Variants in WDR33 observed in about 807,000 individuals in gnomAD.
The protein encoded by WDR33 is WD repeat domain 33, also known as pre-mRNA 3' end processing protein WDR33.
A neutral mutation model predicts 164.9 loss-of-function variants in WDR33; 47 were observed. The observed-to-expected ratio is 0.29, with a 90% CI of 0.23 to 0.36. The LOEUF (loss-of-function observed/expected upper bound fraction) is 0.36. Ranked by LOEUF, WDR33 falls within the 10% of genes least tolerant of loss-of-function variation. WDR33 has a pLI of 1.00. For missense variants in WDR33, 1,137 were observed against 1,754.1 expected, an observed-to-expected ratio of 0.65 and a Z score of 6.28; for synonymous variants, 505 against 589.0, an observed-to-expected ratio of 0.86 and a Z score of 2.06.
At chr2:127,761,401 G>A (rs1573925806) in intron 7 of WDR33, among the ~76,000 whole-genome samples, 1 of 152,060 alleles carries the variant, frequency 6.6e-6, no homozygotes, top group South Asian at 2.1e-4. Flanking sequence ...AGAGTTTCAT[G>A]GTGTTAGCCA....
intron 1 of WDR33, among the ~76,000 whole-genome samples, chr2:127,773,071 A>C (rs2105447734): frequency 6.6e-6 from 1 of 152,248 alleles, no homozygotes; most frequent in East Asian, 1.9e-4. Context: ...GGGAAGTCAA[A>C]GATGCAGTGA....
intron 1 of WDR33, among the ~76,000 whole-genome samples, chr2:127,771,647 A>G (rs1345593922): frequency 1.3e-5 from 2 of 152,112 alleles, no homozygotes; most frequent in Non-Finnish European, 2.9e-5. Context: ...ACATGATGGC[A>G]TGCACCTGTA....
At chr2:127,725,305 T>C (rs948785689) in intron 8 of WDR33, 90 bp from the exon 9 acceptor site, 15 of 1,323,920 alleles carry the variant, frequency 1.1e-5, no homozygotes, top group Non-Finnish European at 1.5e-5. Flanking sequence ...TTAATCAAGA[T>C]GGCAAGAGGT....
At chr2:127,753,980 ATT>A (rs1687445767) in intron 7 of WDR33, among the ~76,000 whole-genome samples, 1 of 152,224 alleles carries the variant, frequency 6.6e-6, no homozygotes, top group Non-Finnish European at 1.5e-5. Context: ...AAATTATTCC[ATT>A]TCTTATCTAG....
At position 127,713,438 on chromosome 2, in the gene WDR33, G is replaced by T; in HGVS notation, c.3308+145C>A. 1.1e-6 allele frequency: 1 copy of T among 925,016 alleles called. No homozygotes were observed. The highest frequency in any genetic ancestry group is 1.6e-6 in the Non-Finnish European group (1 of 612,272). The allele number at this position is 925,016 out of a possible 1,614,324, so 57.3% of individuals were successfully genotyped here. A position where few individuals can be genotyped will look rare whatever the true frequency, so the allele number is the denominator to read the frequency against. ...GTTAAAAAGCACACTTTTTTTAAAC[G>T]TCCAAATGCAAACTCTACAGAGTGC... is the stretch of plus-strand genomic sequence containing the variant. On this transcript the variant is annotated intron_variant, in intron 18 of 21. Transcript: ENST00000322313. The surrounding 1 kb of genome is among the most constrained non-coding windows in gnomAD (Gnocchi z 6.2).
In WDR33 at chr2:127,712,067, C is replaced by A. The variant is rs1458642481; in HGVS notation, c.3308+1516G>T. Reference sequence around the variant, plus strand: ...GATTACAAGCGTGAGCCACTGTGCCCGGCCTTAACCATCTATTCACAAGAA... The same window carrying A: ...GATTACAAGCGTGAGCCACTGTGCCAGGCCTTAACCATCTATTCACAAGAA... On this transcript the variant is annotated intron_variant, in intron 18 of 21. Coordinates refer to ENST00000322313, the MANE Select transcript of WDR33 (RefSeq NM_018383.5). This position sits in a 1 kb window ranked among gnomAD's most constrained non-coding sequence, Gnocchi z 4.0. Among the ~76,000 whole-genome samples, 1 of 151,734 alleles carries A rather than the reference C, an allele frequency of 6.6e-6. No homozygotes were observed. The highest frequency in any genetic ancestry group is 1.5e-5 in the Non-Finnish European group (1 of 67,932).
rs748070513 is a variant in WDR33, at chr2:127,725,104, T to C, written c.963A>G (p.Lys321=). ...GACCTCGGAAGACTTGAAGCTCTTC[T>C]TTTAGGTTTCTGATATCAAAAAGTT... ...LCKLFDIRNL[K]EELQVFRGHK... The change falls in exon 9 of 22, where the codon AAA becomes AAG. Residue 321 remains lysine, a synonymous_variant. Transcript: ENST00000322313. 2 of 1,613,746 alleles carry C rather than the reference T, an allele frequency of 1.2e-6. No homozygotes were observed. Among genetic ancestry groups the C allele is most frequent in the East Asian group, 2.2e-5 (1 of 44,884 alleles).
At chr2:127,733,960 C>T (rs892728919) in intron 7 of WDR33, among the ~76,000 whole-genome samples, 1 of 152,112 alleles carries the variant, frequency 6.6e-6, no homozygotes, top group African/African-American at 2.4e-5. Flanking sequence ...GATTTTCTTC[C>T]TCCTCATCCA....
At chr2:127,762,228 T>C (rs1398114778) in intron 7 of WDR33, among the ~76,000 whole-genome samples, 1 of 152,160 alleles carries the variant, frequency 6.6e-6, no homozygotes, top group African/African-American at 2.4e-5. Context: ...GAAGGTACTG[T>C]TTGTTAAACA....
intron 7 of WDR33, among the ~76,000 whole-genome samples, chr2:127,760,235 CA>C: frequency 6.6e-6 from 1 of 152,314 alleles, no homozygotes; most frequent in Non-Finnish European, 1.5e-5. Flanking sequence ...TGTATGATCA[CA>C]AACTCCCCTT....
intron 1 of WDR33, among the ~76,000 whole-genome samples, chr2:127,781,904 A>G (rs992512199): frequency 1.5e-4 from 22 of 151,364 alleles, no homozygotes; most frequent in Non-Finnish European, 2.9e-5. Context: ...AGGCTGAGGC[A>G]GGAGAATTGC....
chr2:127,740,731 GATT>G (rs1241496492), intron 7 of WDR33, among the ~76,000 whole-genome samples: 1 of 152,204 alleles, frequency 6.6e-6, no homozygotes, highest in Non-Finnish European at 1.5e-5. Flanking sequence ...AGGTAAGGAA[GATT>G]ATTTCAACGC....
In WDR33 at chr2:127,764,841, T is replaced by C; in HGVS notation, c.613A>G (p.Ile205Val). ...TTGTGTATAAACCTGGCCTCTCTAA[T>C]CGCCTCCTTATGTGCCTGGAACATC... ...VKMFQAHKEA[I>V]REASFSPTDN... Residue 205 changes from isoleucine (I) to valine (V), a missense_variant, in exon 6 of 22, where the codon ATT becomes GTT. Transcript: ENST00000322313. This position sits in a 1 kb window ranked among gnomAD's most constrained non-coding sequence, Gnocchi z 6.2. 6.2e-7 allele frequency: 1 copy of C among 1,614,216 alleles called. No homozygotes were observed. The highest frequency in any genetic ancestry group is 8.5e-7 in the Non-Finnish European group (1 of 1,180,036).
At chr2:127,791,341 C>A (rs961220107) in intron 1 of WDR33, among the ~76,000 whole-genome samples, 1 of 152,024 alleles carries the variant, frequency 6.6e-6, no homozygotes, top group African/African-American at 2.4e-5. Context: ...CCCATTTCAT[C>A]ATGTGCTATG....
chr2:127,711,780 A>ATATATATATATATATATATATATTTTTT, intron 18 of WDR33, among the ~76,000 whole-genome samples: 1 of 88,304 alleles, frequency 1.1e-5, no homozygotes, highest in African/African-American at 6.5e-5. Context: ...ATATATATAT[A>ATATATATATATATATATATATATTTTTT]TTTTTTTTTT....
chr2:127,763,477 G>C lies in WDR33; in HGVS notation c.627-318C>G. On this transcript the variant is annotated intron_variant, in intron 6 of 21. Transcript: ENST00000322313. This position sits in a 1 kb window ranked among gnomAD's most constrained non-coding sequence, Gnocchi z 4.5. Reference sequence around the variant, plus strand: ...GAAATCACATGAAGCTGCCTTAAGTGGTGAAAATAAATGGATTCTATTTTT... The same window carrying C: ...GAAATCACATGAAGCTGCCTTAAGTCGTGAAAATAAATGGATTCTATTTTT... 9.2e-7 allele frequency: 1 copy of C among 1,084,700 alleles called. No individual in the cohort carries two copies. The highest frequency in any genetic ancestry group is 1.1e-6 in the Non-Finnish European group (1 of 891,394). The allele number at this position is 1,084,700 out of a possible 1,614,324, so 67.2% of individuals were successfully genotyped here.
chr2:127,773,647 G>C lies in WDR33; in HGVS notation c.-23-2643C>G, dbSNP rs374569535. Among the ~76,000 whole-genome samples, 59 of 152,106 alleles carry C rather than the reference G, an allele frequency of 3.9e-4. 2 individuals are homozygous for C. The highest frequency in any genetic ancestry group is 1.4e-3 in the African/African-American group (58 of 41,386). On this transcript the variant is annotated intron_variant, in intron 1 of 21. Transcript: ENST00000322313. ...CTAAGCAGTTGATTCAATAAGGCTG[G>C]TGGAAGACTGTTTACTCAGTTATTC...
intron 1 of WDR33, among the ~76,000 whole-genome samples, chr2:127,792,029 C>T (rs1009903942): frequency 2.0e-5 from 3 of 151,820 alleles, no homozygotes; most frequent in African/African-American, 7.3e-5. Flanking sequence ...ACCTCTGCCT[C>T]CCAAGTTCAA....
chr2:127,788,466 C>CA (rs1688696254), intron 1 of WDR33, among the ~76,000 whole-genome samples: 1 of 121,176 alleles, frequency 8.3e-6, no homozygotes, highest in Non-Finnish European at 1.7e-5. Context: ...GCTGGCCGGG[C>CA]GGGGGGCTGA....
Sources: gnomAD v4.1 joint callset for allele counts (sites outside exome capture counted in the v4.1 genomes callset) on GRCh38, gnomAD v4.1.1 for gene constraint, Gnocchi (gnomAD v3.1) non-coding constraint, MANE v1.5 for transcripts, NCBI Gene and HGNC (gene_info 2026-07-23, HGNC 2026-07-21) for gene names.